KIF1B: variants seen among roughly 807,000 people sequenced by gnomAD.
KIF1B encodes the protein kinesin family member 1B, also known as kinesin-like protein KIF1B.
In KIF1B, 76 loss-of-function variants were observed where a neutral mutation model predicts 241.9. The ratio of observed to expected loss-of-function variants is 0.31; its 90% confidence interval spans 0.26 to 0.38. The LOEUF is 0.38. KIF1B is among the 10% of genes least tolerant of loss of function. The pLI, the probability that KIF1B is intolerant of heterozygous loss-of-function variation, is 1.00. For synonymous variants in KIF1B, 750 were observed against 796.7 expected, an observed-to-expected ratio of 0.94 and a Z score of 0.99; for missense variants, 1,622 against 2,271.4, an observed-to-expected ratio of 0.71 and a Z score of 5.81.
rs565466405 is a variant in KIF1B, at chr1:10,313,636, C to T, written c.2116-6407C>T. Among the ~76,000 whole-genome samples, 15 of 146,394 alleles carry T rather than the reference C, an allele frequency of 1.0e-4. No individual in the cohort carries two copies. In the East Asian group the frequency reaches 2.8e-3, roughly 28 times the overall value. ...CGCAATCTCGGCTCACTGCAAGCTC[C>T]GCCTCCTGGGTTCACACCATTCTCC... On this transcript the variant is annotated intron_variant, in intron 22 of 48. Transcript: ENST00000676179.
intron 35 of KIF1B, among the ~76,000 whole-genome samples, chr1:10,346,764 C>G (rs1450255029): frequency 6.6e-6 from 1 of 152,180 alleles, no homozygotes; most frequent in East Asian, 1.9e-4. Flanking sequence ...TTACTGATGT[C>G]AAGGAGGACA....
chr1:10,216,775 G>A (rs889805730), intron 1 of KIF1B, among the ~76,000 whole-genome samples: 1 of 151,936 alleles, frequency 6.6e-6, no homozygotes, highest in African/African-American at 2.4e-5. Flanking sequence ...AAAAGGGCAT[G>A]AACTCCCTGA....
chr1:10,368,464 T>C lies in KIF1B; in HGVS notation c.4753-3T>C, dbSNP rs1264484971. On this transcript the variant is annotated splice_polypyrimidine_tract_variant and splice_region_variant and intron_variant, in intron 43 of 48. Coordinates refer to ENST00000676179, the MANE Select transcript of KIF1B (RefSeq NM_001365951.3). ...AGCTTGCACTTCTCTTTCTCTTCTT[T>C]AGTGCCTGCAACTTCTCACCCACAC... The C allele has an allele frequency of 3.7e-6, 6 of 1,612,778 alleles. No individual in the cohort carries two copies. Among genetic ancestry groups the C allele is most frequent in the Middle Eastern group, 1.6e-4 (1 of 6,084 alleles).
rs569840605 is a variant in KIF1B, at chr1:10,257,241, T to A, written c.183+918T>A. Among the ~76,000 whole-genome samples, 8 of 151,720 alleles carry A rather than the reference T, an allele frequency of 5.3e-5. No homozygotes were observed. In the South Asian group the frequency reaches 1.7e-3, roughly 32 times the overall value. On this transcript the variant is annotated intron_variant, in intron 3 of 48. Transcript: ENST00000676179. ...CCGTGCCTGGCCAATTTTTTTTTTT[T>A]AATTGTAGTAGAGCAATGTGGGTTC...
At chr1:10,279,694 T>G (rs1221771335) in intron 14 of KIF1B, among the ~76,000 whole-genome samples, 1 of 69,092 alleles carries the variant, frequency 1.4e-5, no homozygotes, top group Admixed American at 1.7e-4. Flanking sequence ...TTTTCCTTTT[T>G]TTTTTTTTTT....
chr1:10,252,151 C>T (rs528860280), intron 2 of KIF1B, among the ~76,000 whole-genome samples: 21 of 151,884 alleles, frequency 1.4e-4, no homozygotes, highest in Admixed American at 8.5e-4. Flanking sequence ...GCAATTCTCC[C>T]GCCTCAGCCT....
At chr1:10,221,279 G>A (rs917429919) in intron 1 of KIF1B, among the ~76,000 whole-genome samples, 2 of 150,484 alleles carry the variant, frequency 1.3e-5, no homozygotes, top group African/African-American at 4.9e-5. Flanking sequence ...TGTATTTTTA[G>A]CAGAGATGGC....
intron 22 of KIF1B, chr1:10,308,307 C>G (rs1343882972): frequency 9.5e-7 from 1 of 1,057,886 alleles, no homozygotes; most frequent in Non-Finnish European, 1.1e-6. Context: ...TGATAATTGT[C>G]CAGTTTATGT....
chr1:10,303,049 AT>A lies in KIF1B; in HGVS notation c.2115+5808del. 7.6e-7 allele frequency: 1 copy of A among 1,312,350 alleles called. No individual in the cohort carries two copies. The highest frequency in any genetic ancestry group is 1.5e-5 in the South Asian group (1 of 67,192). The allele number at this position is 1,312,350 out of a possible 1,614,324, so 81.3% of individuals were successfully genotyped here. ...TTTGTTTTTTAGTTTTTTTGGTCTT[AT>A]TTTTAAATTTGGTTAAGGCTTTTTT... On this transcript the variant is annotated intron_variant, in intron 22 of 48. Transcript: ENST00000676179. The surrounding 1 kb of genome is among the most constrained non-coding windows in gnomAD (Gnocchi z 5.2).
intron 6 of KIF1B, 134 bp from the exon 7 acceptor site, chr1:10,268,018 G>A (rs1394195632): frequency 1.4e-6 from 1 of 726,342 alleles, no homozygotes; most frequent in Non-Finnish European, 2.5e-6. Context: ...TTGTGTAAGT[G>A]ACAATCTTGC....
intron 44 of KIF1B, 115 bp from the exon 45 acceptor site, chr1:10,371,026 C>T (rs1306112333): frequency 1.6e-6 from 2 of 1,234,228 alleles, no homozygotes; most frequent in Non-Finnish European, 1.2e-6. Context: ...TCTTAAATGA[C>T]CTTCTGAAAC....
chr1:10,251,555 T>C, intron 2 of KIF1B, among the ~76,000 whole-genome samples: 1 of 151,878 alleles, frequency 6.6e-6, no homozygotes, highest in Non-Finnish European at 1.5e-5. Flanking sequence ...ACCAACATGG[T>C]GAAACCCTGT....
intron 22 of KIF1B, among the ~76,000 whole-genome samples, chr1:10,315,132 C>G (rs1267661333): frequency 6.7e-6 from 1 of 148,708 alleles, no homozygotes; most frequent in Non-Finnish European, 1.5e-5. Context: ...CAGTTTACCC[C>G]AAATACTTCC....
intron 2 of KIF1B, among the ~76,000 whole-genome samples, chr1:10,250,047 A>G (rs1164029418): frequency 1.3e-5 from 2 of 152,040 alleles, no homozygotes; most frequent in African/African-American, 2.4e-5. Flanking sequence ...GTAGGCTCAG[A>G]TGATCCTCCC....
chr1:10,334,787 T>G (rs1652102483), intron 28 of KIF1B, 149 bp downstream of exon 28: 1 of 702,166 alleles, frequency 1.4e-6, no homozygotes, highest in Non-Finnish European at 2.6e-6. Flanking sequence ...GGAGAAAGCC[T>G]TTATTGCTCC....
rs186304832 is a variant in KIF1B, at chr1:10,305,236, A to T, written c.2115+7990A>T. 5.7e-6 allele frequency: 6 copies of T among 1,043,876 alleles called. No individual in the cohort carries two copies. The African/African-American group carries it at 8.3e-5, about 14-fold the overall frequency. The allele number at this position is 1,043,876 out of a possible 1,614,324, so 64.7% of individuals were successfully genotyped here. ...TGCAATACATAGCTTTGCATCTTCC[A>T]CACAACTTCCACGTCTTCTTTTATT... is the stretch of plus-strand genomic sequence containing the variant. On this transcript the variant is annotated intron_variant, in intron 22 of 48. Transcript: ENST00000676179.
At chr1:10,288,431 A>G (rs915427731) in intron 15 of KIF1B, among the ~76,000 whole-genome samples, 11 of 152,090 alleles carry the variant, frequency 7.2e-5, no homozygotes. Context: ...CATGGTAATC[A>G]TTTCTGCTGA....
chr1:10,349,623 G>T (rs1039415429), intron 37 of KIF1B, among the ~76,000 whole-genome samples: 4 of 143,066 alleles, frequency 2.8e-5, no homozygotes, highest in South Asian at 2.2e-4. Context: ...AAATTAGAGG[G>T]TTTTTTTTTT....
chr1:10,360,829 G>T (rs1019868852), intron 38 of KIF1B, 100 bp from the exon 39 acceptor site: 13 of 807,588 alleles, frequency 1.6e-5, no homozygotes, highest in Non-Finnish European at 2.7e-5. Flanking sequence ...GTGTCTGTTG[G>T]TTGGCGTATG....
Sources: gnomAD v4.1 joint callset for allele counts (sites outside exome capture counted in the v4.1 genomes callset) on GRCh38, gnomAD v4.1.1 for gene constraint, Gnocchi (gnomAD v3.1) non-coding constraint, MANE v1.5 for transcripts, NCBI Gene and HGNC (gene_info 2026-07-23, HGNC 2026-07-21) for gene names.